KCNMA1: variants seen among roughly 807,000 people sequenced by gnomAD.
KCNMA1 encodes the protein potassium calcium-activated channel subfamily M alpha 1, also known as Calcium-activated potassium channel subunit alpha-1.
A neutral mutation model predicts 140.0 loss-of-function variants in KCNMA1; 29 were observed. That is an observed-to-expected ratio of 0.21 (90% CI 0.15 to 0.28). The LOEUF (loss-of-function observed/expected upper bound fraction) is 0.28. Ranked by LOEUF, KCNMA1 falls within the 10% of genes least tolerant of loss-of-function variation. KCNMA1 has a pLI of 1.00. For missense variants in KCNMA1, 880 were observed against 1,602.2 expected, an observed-to-expected ratio of 0.55 and a Z score of 7.70; for synonymous variants, 612 against 611.9, an observed-to-expected ratio of 1.00 and a Z score of 0.00.
chr10:77,451,548 T>C (rs758524827), intron 1 of KCNMA1, among the ~76,000 whole-genome samples: 5 of 152,134 alleles, frequency 3.3e-5, no homozygotes, highest in Admixed American at 6.5e-5. Flanking sequence ...CAATTGAAGT[T>C]CAGAGGACGA....
chr10:76,924,407 G>C (rs150606995), intron 23 of KCNMA1, among the ~76,000 whole-genome samples: 2,626 of 152,190 alleles, frequency 0.017, 77 homozygotes, highest in African/African-American at 0.06. Context: ...TGTCTGAGCA[G>C]TAAAATTACA....
At position 77,637,757 on chromosome 10, in the gene KCNMA1, C is replaced by G; in HGVS notation, c.-115G>C. On this transcript the variant is annotated 5_prime_UTR_variant, in exon 1 of 28. Transcript: ENST00000286628. ...GCTACTGCTGCCGCCGCCGCCGCCGCCGCGGAGCGCGGGAGGGGGGCGGGG... is the reference window on the plus strand; with the variant it reads ...GCTACTGCTGCCGCCGCCGCCGCCGGCGCGGAGCGCGGGAGGGGGGCGGGG... The G allele has an allele frequency of 1.5e-6, 2 of 1,309,264 alleles. No individual in the cohort carries two copies. Among genetic ancestry groups the G allele is most frequent in the South Asian group, 5.2e-5 (2 of 38,462 alleles). The allele number at this position is 1,309,264 out of a possible 1,614,324, so 81.1% of individuals were successfully genotyped here. A position where few individuals can be genotyped will look rare whatever the true frequency, so the allele number is the denominator to read the frequency against.
intron 1 of KCNMA1, among the ~76,000 whole-genome samples, chr10:77,589,162 C>G (rs1416522114): frequency 6.6e-6 from 1 of 152,142 alleles, no homozygotes; most frequent in East Asian, 1.9e-4. Flanking sequence ...TAAAACAAAC[C>G]CCTTCATGGC....
At chr10:77,120,785 T>A (rs1053523541) in intron 6 of KCNMA1, among the ~76,000 whole-genome samples, 188 bp downstream of exon 6, 2 of 152,106 alleles carry the variant, frequency 1.3e-5, no homozygotes, top group African/African-American at 4.8e-5. Context: ...ACCACATAGT[T>A]CCCTGGCCCT....
At chr10:77,458,549 T>G (rs2097796683) in intron 1 of KCNMA1, among the ~76,000 whole-genome samples, 1 of 152,206 alleles carries the variant, frequency 6.6e-6, no homozygotes, top group Non-Finnish European at 1.5e-5. Context: ...CAGTGCAAAT[T>G]TAATCATTTG....
intron 25 of KCNMA1, among the ~76,000 whole-genome samples, chr10:76,906,434 T>C (rs777235738): frequency 1.3e-5 from 2 of 152,252 alleles, no homozygotes; most frequent in Non-Finnish European, 2.9e-5. Flanking sequence ...CACAGGGCCA[T>C]GTCTGTAACA....
At chr10:77,447,345 T>A (rs2097547837) in intron 1 of KCNMA1, among the ~76,000 whole-genome samples, 2 of 152,158 alleles carry the variant, frequency 1.3e-5, no homozygotes, top group African/African-American at 4.8e-5. Context: ...GGATTCCTAA[T>A]AAACATCATG....
intron 6 of KCNMA1, among the ~76,000 whole-genome samples, chr10:77,112,958 C>T (rs1456977558): frequency 6.6e-6 from 1 of 152,194 alleles, no homozygotes; most frequent in Non-Finnish European, 1.5e-5. Context: ...ACAGCATAAT[C>T]ACAATACCAT....
intron 2 of KCNMA1, among the ~76,000 whole-genome samples, chr10:77,264,699 T>C (rs1265027155): frequency 6.6e-6 from 1 of 152,170 alleles, no homozygotes; most frequent in Non-Finnish European, 1.5e-5. Context: ...GTCAAATTTA[T>C]ATGTGAGGAG....
chr10:77,324,632 C>T (rs1028937920), intron 2 of KCNMA1, among the ~76,000 whole-genome samples: 3 of 152,136 alleles, frequency 2.0e-5, no homozygotes, highest in Non-Finnish European at 4.4e-5. Flanking sequence ...TGGACTCAAA[C>T]TCCCATAATT....
intron 1 of KCNMA1, among the ~76,000 whole-genome samples, chr10:77,545,798 G>T (rs929240388): frequency 2.0e-5 from 3 of 152,344 alleles, no homozygotes; most frequent in South Asian, 4.1e-4. Flanking sequence ...GGAAAACATG[G>T]CCTCACGCCT....
chr10:77,184,922 A>G lies in KCNMA1; in HGVS notation c.603-6T>C, dbSNP rs201637862. The G allele has an allele frequency of 6.4e-7, 1 of 1,567,334 alleles. No homozygotes were observed. Among genetic ancestry groups the G allele is most frequent in the Non-Finnish European group, 8.8e-7 (1 of 1,137,648 alleles). On this transcript the variant is annotated splice_polypyrimidine_tract_variant and splice_region_variant and intron_variant, in intron 3 of 27. Transcript: ENST00000286628. The stretch of plus-strand genomic sequence containing the variant: ...TCTGGCAGGATTCTATTGGGCTATT[A>G]GACAGGAAGAAGAAAAAGCAAGAGG...
intron 13 of KCNMA1, among the ~76,000 whole-genome samples, chr10:77,076,125 T>C (rs140035114): frequency 6.6e-6 from 1 of 151,962 alleles, no homozygotes; most frequent in African/African-American, 2.4e-5. Flanking sequence ...AAGAAGGCCA[T>C]GAAAGAGGAA....
At chr10:76,961,349 G>A (rs887012348) in intron 20 of KCNMA1, among the ~76,000 whole-genome samples, 1 of 152,092 alleles carries the variant, frequency 6.6e-6, no homozygotes, top group Non-Finnish European at 1.5e-5. Context: ...CTGAATTGCT[G>A]CAAACTCATG....
intron 9 of KCNMA1, among the ~76,000 whole-genome samples, chr10:77,103,166 C>T (rs2097135170): frequency 6.6e-6 from 1 of 152,088 alleles, no homozygotes; most frequent in Non-Finnish European, 1.5e-5. Context: ...TGAGCATTTA[C>T]AATAAAGAAG....
At chr10:77,603,225 G>A (rs1360506149) in intron 1 of KCNMA1, among the ~76,000 whole-genome samples, 1 of 152,140 alleles carries the variant, frequency 6.6e-6, no homozygotes, top group Non-Finnish European at 1.5e-5. Flanking sequence ...AAAGCAACAG[G>A]CAATGGTGTT....
At chr10:77,401,086 C>A (rs1379309899) in intron 2 of KCNMA1, among the ~76,000 whole-genome samples, 1 of 151,994 alleles carries the variant, frequency 6.6e-6, no homozygotes. Context: ...CTCCACTTGT[C>A]CCCCAGCTCT....
chr10:77,243,549 T>C (rs2057822233), intron 3 of KCNMA1, among the ~76,000 whole-genome samples: 2 of 152,218 alleles, frequency 1.3e-5, no homozygotes, highest in African/African-American at 4.8e-5. Context: ...CAAAGCATTC[T>C]TTTTAAGTTT....
chr10:76,928,153 T>C (rs757973306), intron 23 of KCNMA1, among the ~76,000 whole-genome samples: 1 of 152,090 alleles, frequency 6.6e-6, no homozygotes, highest in South Asian at 2.1e-4. Flanking sequence ...ACTTATGTTA[T>C]TTGAATTAAT....
Sources: gnomAD v4.1 joint callset for allele counts (sites outside exome capture counted in the v4.1 genomes callset) on GRCh38, gnomAD v4.1.1 for gene constraint, MANE v1.5 for transcripts, NCBI Gene and HGNC (gene_info 2026-07-23, HGNC 2026-07-21) for gene names.